The following ROR1 variants were observed in gnomAD, a reference collection of about 807,000 sequenced individuals.
The protein encoded by ROR1 is inactive tyrosine-protein kinase transmembrane receptor ROR1.
Under a neutral mutation model 78.8 loss-of-function variants are expected in ROR1, and 19 were observed. That is an observed-to-expected ratio of 0.24 (90% CI 0.17 to 0.35). The LOEUF (loss-of-function observed/expected upper bound fraction) is 0.35, where lower values mean the gene tolerates loss of function less well. Among genes scored for constraint, ROR1 ranks in the 10% least tolerant of loss-of-function variants. The pLI, the probability that ROR1 is intolerant of heterozygous loss-of-function variation, is 1.00. For synonymous variants in ROR1, 386 were observed against 433.6 expected (o/e 0.89, Z 1.36); for missense variants, 917 against 1,177.8 (o/e 0.78, Z 3.24).
At chr1:63,779,262 C>T (rs981744018) in intron 1 of ROR1, among the ~76,000 whole-genome samples, 2 of 152,206 alleles carry the variant, frequency 1.3e-5, no homozygotes, top group South Asian at 2.1e-4. Context: ...TGGTGGACAA[C>T]TGTGGTTGTA....
intron 1 of ROR1, among the ~76,000 whole-genome samples, chr1:63,953,810 A>G (rs1030729743): frequency 2.0e-5 from 3 of 152,232 alleles, no homozygotes; most frequent in African/African-American, 7.2e-5. Flanking sequence ...AACATCTTGA[A>G]TAGGACTTGG....
At chr1:64,020,641 C>G (rs1333951246) in intron 2 of ROR1, among the ~76,000 whole-genome samples, 1 of 152,144 alleles carries the variant, frequency 6.6e-6, no homozygotes, top group Non-Finnish European at 1.5e-5. Flanking sequence ...TAGAGGTCAG[C>G]TCTTCATTCC....
chr1:63,860,562 TACAC>T (rs68153450), intron 1 of ROR1, among the ~76,000 whole-genome samples: 2,325 of 126,552 alleles, frequency 0.018, 21 homozygotes, highest in South Asian at 0.02. Flanking sequence ...CTACTAAAAA[TACAC>T]ACACACACAC....
chr1:63,859,345 TC>T (rs1443954526), intron 1 of ROR1, among the ~76,000 whole-genome samples: 1 of 152,204 alleles, frequency 6.6e-6, no homozygotes, highest in African/African-American at 2.4e-5. Flanking sequence ...TTTATCTGTC[TC>T]TCCAGAGTCT....
At chr1:64,128,510 G>A (rs1648797852) in intron 4 of ROR1, among the ~76,000 whole-genome samples, 1 of 152,086 alleles carries the variant, frequency 6.6e-6, no homozygotes, top group East Asian at 1.9e-4. Flanking sequence ...GGTGGCTGGG[G>A]TGGGGAAGTA....
chr1:63,879,706 T>C (rs1645310843), intron 1 of ROR1, among the ~76,000 whole-genome samples: 1 of 152,112 alleles, frequency 6.6e-6, no homozygotes, highest in African/African-American at 2.4e-5. Flanking sequence ...TTTTCAAGCT[T>C]ATTTGACCTC....
chr1:63,841,293 AC>A (rs1251165320), intron 1 of ROR1, among the ~76,000 whole-genome samples: 2 of 152,138 alleles, frequency 1.3e-5, no homozygotes, highest in African/African-American at 4.8e-5. Flanking sequence ...ATGTGCCACC[AC>A]CCTGCTTTTG....
rs139700294 is a variant in ROR1, at chr1:64,178,469, A to G, written c.2428A>G (p.Ile810Val). The change falls in exon 9 of 9, where the codon ATA becomes GTA. Residue 810 changes from isoleucine (I) to valine (V), a missense_variant. Physicochemically the swap from Ile to Val is conservative, Grantham distance 29 (BLOSUM62 3). Around this residue, in one of 3 missense-constraint regions of ROR1, gnomAD observed 835 missense variants for 1,069.8 expected, o/e 0.78. Coordinates refer to ENST00000371079, the MANE Select transcript of ROR1 (RefSeq NM_005012.4). This position sits in a 1 kb window ranked among gnomAD's most constrained non-coding sequence, Gnocchi z 4.3. ...GQIAGFIGPP[I>V]PQNQRFIPIN... Reference sequence around the variant, plus strand: ...GATTGCTGGTTTCATTGGCCCGCCAATACCTCAGAACCAGCGATTCATTCC... The same window carrying G: ...GATTGCTGGTTTCATTGGCCCGCCAGTACCTCAGAACCAGCGATTCATTCC... 4.3e-6 allele frequency: 7 copies of G among 1,614,054 alleles called. No individual in the cohort carries two copies. In the African/African-American group the frequency reaches 6.7e-5, roughly 15 times the overall value.
chr1:63,997,267 C>T (rs1252842651), intron 1 of ROR1, among the ~76,000 whole-genome samples: 1 of 152,206 alleles, frequency 6.6e-6, no homozygotes, highest in Non-Finnish European at 1.5e-5. Context: ...CATTGAAATC[C>T]TATGTAAAAT....
At chr1:63,817,973 G>T (rs546766940) in intron 1 of ROR1, among the ~76,000 whole-genome samples, 1 of 152,276 alleles carries the variant, frequency 6.6e-6, no homozygotes, top group South Asian at 2.1e-4. Flanking sequence ...TGTTATAATG[G>T]TGGGCATTTA....
intron 1 of ROR1, among the ~76,000 whole-genome samples, chr1:63,837,508 T>C (rs1645024721): frequency 6.6e-6 from 1 of 152,222 alleles, no homozygotes; most frequent in Admixed American, 6.5e-5. Context: ...TAAATTTGGA[T>C]AACCTTTTCT....
intron 1 of ROR1, among the ~76,000 whole-genome samples, chr1:63,972,522 G>A (rs1207264913): frequency 1.3e-5 from 2 of 152,094 alleles, no homozygotes. Flanking sequence ...GTATCTATGA[G>A]GTGTTAGTTA....
chr1:63,942,673 A>G (rs924871998), intron 1 of ROR1, among the ~76,000 whole-genome samples: 8 of 152,210 alleles, frequency 5.3e-5, no homozygotes, highest in African/African-American at 1.9e-4. Flanking sequence ...CAGTATGTGA[A>G]GAAAAGACAC....
intron 4 of ROR1, chr1:64,105,462 A>G (rs1344966781): frequency 6.6e-6 from 1 of 152,180 alleles, no homozygotes; most frequent in Non-Finnish European, 1.5e-5. Flanking sequence ...TAGTTTAATT[A>G]CATCCCATTT....
At chr1:63,871,027 G>T (rs957491030) in intron 1 of ROR1, among the ~76,000 whole-genome samples, 1 of 152,196 alleles carries the variant, frequency 6.6e-6, no homozygotes, top group Non-Finnish European at 1.5e-5. Context: ...CTTGGTTGTG[G>T]TCGGTATTAA....
At chr1:64,053,367 C>A (rs1253444564) in intron 4 of ROR1, among the ~76,000 whole-genome samples, 1 of 152,318 alleles carries the variant, frequency 6.6e-6, no homozygotes, top group Non-Finnish European at 1.5e-5. Flanking sequence ...GCACTTGTCA[C>A]TTCCTCTGAG....
At chr1:64,005,119 G>A (rs553399863) in intron 1 of ROR1, among the ~76,000 whole-genome samples, 33 of 152,316 alleles carry the variant, frequency 2.2e-4, no homozygotes, top group African/African-American at 7.7e-4. Context: ...TAAGAGCATG[G>A]TAAATGTGTT....
At chr1:63,907,607 C>A (rs924596415) in intron 1 of ROR1, among the ~76,000 whole-genome samples, 2 of 152,178 alleles carry the variant, frequency 1.3e-5, no homozygotes, top group Non-Finnish European at 2.9e-5. Flanking sequence ...CCTTCTACTT[C>A]TAAAGTTCAC....
intron 2 of ROR1, among the ~76,000 whole-genome samples, chr1:64,013,998 T>C (rs553741680): frequency 3.3e-4 from 50 of 152,314 alleles, no homozygotes; most frequent in African/African-American, 1.2e-3. Flanking sequence ...CCCTTTGCAA[T>C]AGAACAGATA....
Sources: gnomAD v4.1 joint callset for allele counts (sites outside exome capture counted in the v4.1 genomes callset) on GRCh38, gnomAD v4.1.1 for gene constraint, gnomAD v4.1.1 regional missense constraint, Gnocchi (gnomAD v3.1) non-coding constraint, MANE v1.5 for transcripts, NCBI Gene and HGNC (gene_info 2026-07-23, HGNC 2026-07-21) for gene names.